RBPJ: variants seen among roughly 807,000 people sequenced by gnomAD.
RBPJ encodes recombination signal binding protein for immunoglobulin kappa J region, also known as recombining binding protein suppressor of hairless.
RBPJ carries 9 observed loss-of-function variants against 67.8 expected under a neutral mutation model. The ratio of observed to expected loss-of-function variants is 0.13; its 90% CI spans 0.08 to 0.23. The LOEUF is 0.23. RBPJ is among the 10% of genes least tolerant of loss of function. The pLI, the probability that RBPJ is intolerant of heterozygous loss-of-function variation, is 1.00. For missense variants in RBPJ, 305 were observed against 595.6 expected, an observed-to-expected ratio of 0.51 and a Z score of 5.08; for synonymous variants, 198 against 203.3, an observed-to-expected ratio of 0.97 and a Z score of 0.22.
rs1432682618 is a variant in RBPJ at position 26,424,246 on chromosome 4, A to G, written c.497-96A>G. On this transcript the variant is annotated intron_variant, in intron 5 of 10. Coordinates refer to ENST00000355476, the MANE Select transcript of RBPJ (RefSeq NM_015874.6). The surrounding 1 kb of genome is among the most constrained non-coding windows in gnomAD (Gnocchi z 5.3). ...TTGTCAAACTGTTAAATGATAAGAAAGAATAATTATACACTGCCAAGCAGA... is the reference window on the plus strand; with the variant it reads ...TTGTCAAACTGTTAAATGATAAGAAGGAATAATTATACACTGCCAAGCAGA... The G allele has an allele frequency of 8.7e-7, 1 of 1,151,806 alleles. No individual in the cohort carries two copies. The highest frequency in any genetic ancestry group is 1.3e-6 in the Non-Finnish European group (1 of 796,216). The allele number at this position is 1,151,806 out of a possible 1,614,324, so 71.3% of individuals were successfully genotyped here. A position where few individuals can be genotyped will look rare whatever the true frequency, so the allele number is the denominator to read the frequency against.
At chr4:26,343,739 CTTTTTTTT>C (rs71186404) in intron 1 of RBPJ, among the ~76,000 whole-genome samples, 151 of 55,828 alleles carry the variant, frequency 2.7e-3, no homozygotes, top group African/African-American at 0.012. Context: ...TTTCTTTCTT[CTTTTTTTT>C]TTTTTTTTTT....
At chr4:26,332,221 TA>T (rs562758027) in intron 1 of RBPJ, among the ~76,000 whole-genome samples, 125 of 146,132 alleles carry the variant, frequency 8.6e-4, no homozygotes, top group Admixed American at 7.5e-4. Context: ...ATTGTAATGT[TA>T]AAAAAAAAAA....
At chr4:26,309,282 GC>G (rs1337705248) in intron 1 of RBPJ, among the ~76,000 whole-genome samples, 1 of 152,182 alleles carries the variant, frequency 6.6e-6, no homozygotes, top group Non-Finnish European at 1.5e-5. Context: ...CTCCCAAAGA[GC>G]TGGGATTATA....
intron 1 of RBPJ, among the ~76,000 whole-genome samples, chr4:26,283,516 G>A (rs1176832087): frequency 6.6e-6 from 1 of 151,774 alleles, no homozygotes; most frequent in African/African-American, 2.4e-5. Context: ...CTGCACTCCA[G>A]CCTGGGCTAT....
chr4:26,317,818 G>A (rs750070062), upstream of RBPJ, among the ~76,000 whole-genome samples: 4 of 152,082 alleles, frequency 2.6e-5, no homozygotes, highest in Non-Finnish European at 5.9e-5. Flanking sequence ...AGATGGGGGA[G>A]GGCTGCAGAT....
At chr4:26,333,446 A>C (rs906265841) in intron 1 of RBPJ, among the ~76,000 whole-genome samples, 1 of 152,216 alleles carries the variant, frequency 6.6e-6, no homozygotes, top group Non-Finnish European at 1.5e-5. Flanking sequence ...ACTTATTTTT[A>C]AAGTTACACT....
chr4:26,425,198 T>C (rs1397869665), intron 7 of RBPJ, among the ~76,000 whole-genome samples: 1 of 152,188 alleles, frequency 6.6e-6, no homozygotes, highest in Non-Finnish European at 1.5e-5. Context: ...TAGCTTACTC[T>C]CTCACAAGAA....
chr4:26,358,020 C>CGTGTGTGTGTGT lies in RBPJ; in HGVS notation c.21-28312_21-28301dup, dbSNP rs4069724. Among the ~76,000 whole-genome samples, 381 of 145,108 alleles carry CGTGTGTGTGTGT rather than the reference C, an allele frequency of 2.6e-3. 1 individual carries two copies. Among genetic ancestry groups the CGTGTGTGTGTGT allele is most frequent in the African/African-American group, 6.0e-3 (234 of 39,040 alleles). On this transcript the variant is annotated intron_variant, in intron 1 of 10. Transcript: ENST00000355476. ...TTTTGTATGTTTTTGAGGGGGTATTCGTGTGTGTGTGTGTGTGTGTGTGTG... is the reference window on the plus strand; with the variant it reads ...TTTTGTATGTTTTTGAGGGGGTATTCGTGTGTGTGTGTGTGTGTGTGTGTGTGTGTGTGTGTG...
rs574141791 is a variant in RBPJ, at chr4:26,378,958, G to A, written c.21-7395G>A. Among the ~76,000 whole-genome samples the A allele has an allele frequency of 3.7e-3, 561 of 152,160 alleles. 4 individuals carry two copies. Among genetic ancestry groups the A allele is most frequent in the African/African-American group, 0.013 (536 of 41,502 alleles). ...GGAGAATTGCTTGAACCCAGGAGGC[G>A]GAGGTTGCAGTGAGCCAAGATTGTG... On this transcript the variant is annotated intron_variant, in intron 1 of 10. Coordinates refer to ENST00000355476, the MANE Select transcript of RBPJ (RefSeq NM_015874.6).
upstream of RBPJ, among the ~76,000 whole-genome samples, chr4:26,314,720 C>A (rs1001159087): frequency 3.3e-5 from 5 of 152,154 alleles, no homozygotes; most frequent in African/African-American, 1.2e-4. Flanking sequence ...CCTGTACAGT[C>A]TGCGGAACCG....
Position 26,424,599 on chromosome 4 carries a change from G to A in RBPJ, c.635-32G>A, listed in dbSNP as rs771193557. On this transcript the variant is annotated intron_variant, in intron 6 of 10. Coordinates refer to ENST00000355476, the MANE Select transcript of RBPJ (RefSeq NM_015874.6). This position sits in a 1 kb window ranked among gnomAD's most constrained non-coding sequence, Gnocchi z 5.3. ...AATCATAAAATAAATTTAAAAAGATGACAATTTGATTTATTTTTCCACCTA... is the reference window on the plus strand; with the variant it reads ...AATCATAAAATAAATTTAAAAAGATAACAATTTGATTTATTTTTCCACCTA... The A allele has an allele frequency of 1.9e-6, 3 of 1,565,266 alleles. No individual in the cohort carries two copies. Among genetic ancestry groups the A allele is most frequent in the Middle Eastern group, 3.7e-4 (2 of 5,372 alleles).
intron 1 of RBPJ, among the ~76,000 whole-genome samples, chr4:26,347,788 C>T (rs954053350): frequency 6.6e-6 from 1 of 152,066 alleles, no homozygotes; most frequent in Non-Finnish European, 1.5e-5. Flanking sequence ...CCTGTTGCTG[C>T]CTTTTCTGTA....
Position 26,215,273 on chromosome 4 carries a change from A to AGG in RBPJ, c.-167+51659_-167+51660insGG, listed in dbSNP as rs1560214604. Among the ~76,000 whole-genome samples the AGG allele has an allele frequency of 2.5e-4, 3 of 11,944 alleles. 1 individual carries two copies. The highest frequency in any genetic ancestry group is 4.0e-4 in the Non-Finnish European group (3 of 7,430). The allele number at this position is 11,944 out of a possible 152,430, so 7.8% of individuals were successfully genotyped here. On this transcript the variant is annotated intron_variant, in intron 1 of 4. Transcript: ENST00000512351. ...TAAGAAAGAAAGGAAGGGAGGGAGG[A>AGG]AAAAGAGAGAGAAAGAAAGAGAAAA...
intron 1 of RBPJ, among the ~76,000 whole-genome samples, chr4:26,287,586 G>GGAC (rs1560245354): frequency 2.8e-4 from 3 of 10,574 alleles, no homozygotes. Flanking sequence ...AAGGACAGGA[G>GGAC]AGGAGAGGGG....
At chr4:26,415,738 CTA>C in intron 4 of RBPJ, 98 bp downstream of exon 4, 1 of 1,154,042 alleles carries the variant, frequency 8.7e-7, no homozygotes, top group South Asian at 1.6e-5. Context: ...TCTTTAATAA[CTA>C]TTGGTAACAA....
the RBPJ span, among the ~76,000 whole-genome samples, chr4:26,123,220 T>A: frequency 6.6e-6 from 1 of 151,932 alleles, no homozygotes; most frequent in Non-Finnish European, 1.5e-5. Flanking sequence ...GGACAGCATG[T>A]GACTGTACTT....
chr4:26,356,211 C>G (rs1439618783), intron 1 of RBPJ, among the ~76,000 whole-genome samples: 2 of 152,202 alleles, frequency 1.3e-5, no homozygotes, highest in Non-Finnish European at 2.9e-5. Flanking sequence ...GCTGGACCTG[C>G]AGAGTGTGTC....
chr4:26,214,848 G>T (rs1718601421), intron 1 of RBPJ, among the ~76,000 whole-genome samples: 1 of 134,714 alleles, frequency 7.4e-6, no homozygotes, highest in Non-Finnish European at 1.6e-5. Flanking sequence ...GGAAGGGAGG[G>T]AGGGAGAGAG....
At position 26,424,586 on chromosome 4, in the gene RBPJ, A is replaced by C. The variant is rs1735453263; in HGVS notation, c.635-45A>C. The C allele has an allele frequency of 1.3e-6, 2 of 1,563,448 alleles. No homozygotes were observed. Among genetic ancestry groups the C allele is most frequent in the African/African-American group, 2.7e-5 (2 of 73,338 alleles). ...TTGTCATTTGCCTAATCATAAAATA[A>C]ATTTAAAAAGATGACAATTTGATTT... On this transcript the variant is annotated intron_variant, in intron 6 of 10. Coordinates refer to ENST00000355476, the MANE Select transcript of RBPJ (RefSeq NM_015874.6). The surrounding 1 kb of genome is among the most constrained non-coding windows in gnomAD (Gnocchi z 5.3).
Sources: allele counts gnomAD v4.1 joint callset (sites outside exome capture counted in the v4.1 genomes callset), GRCh38; gene constraint gnomAD v4.1.1; non-coding constraint Gnocchi (gnomAD v3.1); transcripts MANE v1.5; gene names NCBI Gene and HGNC (gene_info 2026-07-23, HGNC 2026-07-21).